GRIA3: variants seen among roughly 807,000 people sequenced by gnomAD.
GRIA3 encodes glutamate ionotropic receptor AMPA type subunit 3.
GRIA3 carries 3 observed loss-of-function variants against 63.0 expected under a neutral mutation model. That is an observed-to-expected ratio of 0.05 (90% CI 0.02 to 0.12). GRIA3 has a LOEUF of 0.12. Ranked by LOEUF, GRIA3 falls within the 10% of genes least tolerant of loss-of-function variation. The pLI is 1.00. For missense variants in GRIA3, 347 were observed against 700.9 expected (o/e 0.50, Z 5.70); for synonymous variants, 274 against 257.9 (o/e 1.06, Z -0.60).
At chrX:123,344,721 G>A (rs1403841905) in intron 4 of GRIA3, among the ~76,000 whole-genome samples, 1 of 111,140 alleles carries the variant, frequency 9.0e-6, no homozygotes, top group South Asian at 3.9e-4. Flanking sequence ...AGGAGTCTGG[G>A]TGAATTTCCT....
chrX:123,278,174 C>T (rs1603064633), intron 3 of GRIA3, among the ~76,000 whole-genome samples: 1 of 111,984 alleles, frequency 8.9e-6, no homozygotes, highest in South Asian at 3.8e-4. Flanking sequence ...GCATTCTACT[C>T]TTGAGAGTGC....
chrX:123,415,261 C>T lies in GRIA3; in HGVS notation c.1501-2141C>T, dbSNP rs1191608747. Among the ~76,000 whole-genome samples the T allele has an allele frequency of 2.7e-5, 3 of 111,660 alleles. No individual in the cohort carries two copies. The South Asian group carries it at 1.1e-3, about 43-fold the overall frequency. On this transcript the variant is annotated intron_variant, in intron 10 of 15. Coordinates refer to ENST00000620443, the MANE Select transcript of GRIA3 (RefSeq NM_007325.5). ...TTTTGCTGCTAATCTAGGACCCATA[C>T]TTTAAGAGCCACCGGAATAGATTAG...
In GRIA3 at chrX:123,222,095, C is replaced by A. The variant is rs142572572; in HGVS notation, c.269-31208C>A. ...TATGTGACCAAGAAGCAGAGCAGTT[C>A]TCTATTAACAAAGCTAACCTACCTT... On this transcript the variant is annotated intron_variant, in intron 2 of 15. Coordinates refer to ENST00000620443, the MANE Select transcript of GRIA3 (RefSeq NM_007325.5). Among the ~76,000 whole-genome samples the A allele has an allele frequency of 8.1e-3, 908 of 111,507 alleles. 11 individuals carry two copies. The highest frequency in any genetic ancestry group is 0.028 in the African/African-American group (862 of 30,652).
chrX:123,242,544 T>C (rs1484668243), intron 2 of GRIA3, among the ~76,000 whole-genome samples: 2 of 112,199 alleles, frequency 1.8e-5, no homozygotes, highest in Admixed American at 9.4e-5. Flanking sequence ...CTGACTACTT[T>C]AGATGATTGA....
intron 6 of GRIA3, among the ~76,000 whole-genome samples, chrX:123,395,581 T>C (rs1425493290): frequency 8.9e-6 from 1 of 111,890 alleles, no homozygotes; most frequent in Admixed American, 9.5e-5. Context: ...AGAGTGTACA[T>C]TGCCTATATG....
At chrX:123,256,795 G>A (rs2044422417) in intron 3 of GRIA3, among the ~76,000 whole-genome samples, 1 of 111,133 alleles carries the variant, frequency 9.0e-6, no homozygotes, top group African/African-American at 3.3e-5. Context: ...AAGTAAAAAA[G>A]AAGGGAAACC....
chrX:123,441,515 A>G (rs1308939800), intron 12 of GRIA3, among the ~76,000 whole-genome samples: 1 of 111,490 alleles, frequency 9.0e-6, no homozygotes, highest in African/African-American at 3.3e-5. Context: ...GGTGAGGTTC[A>G]TTAAAAATGT....
intron 3 of GRIA3, among the ~76,000 whole-genome samples, chrX:123,255,656 C>A (rs1226264959): frequency 2.8e-5 from 3 of 106,715 alleles, no homozygotes; most frequent in Non-Finnish European, 5.8e-5. Context: ...AAAAGACCAT[C>A]TATCTATTTC....
Position 123,380,819 on chromosome X carries a change from C to T in GRIA3, c.751-14149C>T, listed in dbSNP as rs756138002. Reference sequence around the variant, plus strand: ...CTTTAATCCATCTTGAATTAATTTTCGTATAGGGTGTAAGGAAGGGATGCA... The same window carrying T: ...CTTTAATCCATCTTGAATTAATTTTTGTATAGGGTGTAAGGAAGGGATGCA... On this transcript the variant is annotated intron_variant, in intron 5 of 15. Transcript: ENST00000620443. Among the ~76,000 whole-genome samples, 579 of 111,119 alleles carry T rather than the reference C, an allele frequency of 5.2e-3. 3 individuals are homozygous for T. The highest frequency in any genetic ancestry group is 8.3e-3 in the Non-Finnish European group (439 of 53,027).
chrX:123,386,488 T>C (rs1247932058), intron 5 of GRIA3, among the ~76,000 whole-genome samples: 1 of 111,629 alleles, frequency 9.0e-6, no homozygotes, highest in Non-Finnish European at 1.9e-5. Context: ...TGTTTTTGTT[T>C]TTGTTGCCTG....
At chrX:123,370,415 A>G (rs778479981) in intron 5 of GRIA3, among the ~76,000 whole-genome samples, 126 of 112,320 alleles carry the variant, frequency 1.1e-3, no homozygotes, top group Non-Finnish European at 2.1e-3. Flanking sequence ...TGGAAAAGAC[A>G]ACATGCTTTG....
chrX:123,268,240 C>T (rs1254158665), intron 3 of GRIA3, among the ~76,000 whole-genome samples: 1 of 111,292 alleles, frequency 9.0e-6, no homozygotes, highest in Non-Finnish European at 1.9e-5. Context: ...TACTACAGAA[C>T]TATTTCACAG....
chrX:123,466,489 T>A (rs1465781952), intron 13 of GRIA3, among the ~76,000 whole-genome samples: 4 of 112,041 alleles, frequency 3.6e-5, no homozygotes, highest in Non-Finnish European at 7.5e-5. Flanking sequence ...CTTAGCCATG[T>A]TCTTGGTTCA....
intron 2 of GRIA3, among the ~76,000 whole-genome samples, chrX:123,219,838 G>C (rs1928248767): frequency 8.9e-6 from 1 of 112,608 alleles, no homozygotes; most frequent in African/African-American, 3.2e-5. Context: ...GCAGGCACTA[G>C]GTGTGGCCAT....
chrX:123,253,690 T>G (rs2044403425), intron 3 of GRIA3, 148 bp downstream of exon 3: 5 of 544,401 alleles, frequency 9.2e-6, no homozygotes, highest in Admixed American at 3.6e-5. Flanking sequence ...AAGGTTAAGA[T>G]TAAAAAATAA....
chrX:123,308,190 C>A (rs906895548), intron 3 of GRIA3, among the ~76,000 whole-genome samples: 1 of 111,833 alleles, frequency 8.9e-6, no homozygotes, highest in Non-Finnish European at 1.9e-5. Context: ...CCAGCCAAAG[C>A]GTAGTTCTCA....
intron 3 of GRIA3, among the ~76,000 whole-genome samples, chrX:123,319,318 A>G (rs769371136): frequency 8.9e-6 from 1 of 112,244 alleles, no homozygotes; most frequent in Non-Finnish European, 1.9e-5. Flanking sequence ...AATACACTCT[A>G]TGATGTTTGC....
chrX:123,369,869 T>C (rs1475517953), intron 5 of GRIA3, among the ~76,000 whole-genome samples: 1 of 111,879 alleles, frequency 8.9e-6, no homozygotes, highest in Non-Finnish European at 1.9e-5. Flanking sequence ...GCAAGAGTTA[T>C]GGATAAGAAA....
At chrX:123,198,544 T>C (rs944540099) in intron 2 of GRIA3, among the ~76,000 whole-genome samples, 3 of 111,989 alleles carry the variant, frequency 2.7e-5, no homozygotes, top group Non-Finnish European at 3.8e-5. Flanking sequence ...CTAACCTGTA[T>C]GCCCTGTGAA....
Sources: allele counts gnomAD v4.1 joint callset (sites outside exome capture counted in the v4.1 genomes callset), GRCh38; gene constraint gnomAD v4.1.1; transcripts MANE v1.5; gene names NCBI Gene and HGNC (gene_info 2026-07-23, HGNC 2026-07-21).